FAM184A: variants seen among roughly 807,000 people sequenced by gnomAD.
The protein encoded by FAM184A is protein FAM184A.
Under a neutral mutation model 143.8 loss-of-function variants are expected in FAM184A, and 99 were observed. The ratio of observed to expected loss-of-function variants is 0.69; its 90% CI spans 0.58 to 0.81. The LOEUF (loss-of-function observed/expected upper bound fraction) is 0.81. Among genes scored for constraint, FAM184A ranks in the 40% least tolerant of loss-of-function variants. The pLI is 0.00. For missense variants in FAM184A, 1,217 were observed against 1,310.5 expected (o/e 0.93, Z 1.10); for synonymous variants, 427 against 446.4 (o/e 0.96, Z 0.55).
At chr6:119,058,949 ATTTTT>A (rs1457426305) in intron 1 of FAM184A, among the ~76,000 whole-genome samples, 2 of 151,594 alleles carry the variant, frequency 1.3e-5, no homozygotes, top group African/African-American at 2.4e-5. Flanking sequence ...TGGTTATTTT[ATTTTT>A]ATTTTATATT....
At chr6:119,109,820 G>A (rs922194421) in intron 1 of FAM184A, among the ~76,000 whole-genome samples, 25 of 152,046 alleles carry the variant, frequency 1.6e-4, no homozygotes, top group Non-Finnish European at 2.8e-4. Context: ...TTATGGAAAA[G>A]CCTACTAACT....
At position 119,034,991 on chromosome 6, in the gene FAM184A, A is replaced by C. The variant is rs189877941; in HGVS notation, c.160-10178T>G. Reference sequence around the variant, plus strand: ...GCCCTTTAGGAGGGCTCGCCTGAGTAATAACAGCTGTCTCTGTGGACCACA... The same window carrying C: ...GCCCTTTAGGAGGGCTCGCCTGAGTCATAACAGCTGTCTCTGTGGACCACA... On this transcript the variant is annotated intron_variant, in intron 1 of 17. Transcript: ENST00000338891. Among the ~76,000 whole-genome samples the C allele has an allele frequency of 3.1e-4, 47 of 152,344 alleles. 1 individual carries two copies. The highest frequency in any genetic ancestry group is 3.4e-3 in the Middle Eastern group (1 of 294).
chr6:119,053,279 T>C (rs1361646020), intron 1 of FAM184A, among the ~76,000 whole-genome samples: 1 of 152,324 alleles, frequency 6.6e-6, no homozygotes. Flanking sequence ...TCAAGGTTTA[T>C]ACTTTACAAG....
chr6:119,098,306 C>T (rs1788560658), intron 1 of FAM184A, among the ~76,000 whole-genome samples: 1 of 152,156 alleles, frequency 6.6e-6, no homozygotes, highest in African/African-American at 2.4e-5. Context: ...TCCATTAAAC[C>T]TCTTTTTCTT....
intron 1 of FAM184A, among the ~76,000 whole-genome samples, chr6:119,047,772 A>C (rs1255500374): frequency 3.3e-5 from 5 of 152,158 alleles, no homozygotes; most frequent in African/African-American, 1.2e-4. Context: ...GATCATATGG[A>C]TTCACGGCCA....
intron 1 of FAM184A, among the ~76,000 whole-genome samples, chr6:119,028,793 G>T (rs1167253545): frequency 6.6e-6 from 1 of 152,170 alleles, no homozygotes; most frequent in Non-Finnish European, 1.5e-5. Context: ...TTTGCCAGAA[G>T]AACTTGCAGT....
chr6:118,972,244 A>G (rs1384218717), intron 14 of FAM184A, among the ~76,000 whole-genome samples: 2 of 152,222 alleles, frequency 1.3e-5, no homozygotes, highest in East Asian at 1.9e-4. Flanking sequence ...TTACATTTAA[A>G]TTAATTAAAA....
intron 6 of FAM184A, among the ~76,000 whole-genome samples, chr6:119,007,035 AT>A (rs1192130963): frequency 5.9e-5 from 9 of 152,206 alleles, no homozygotes; most frequent in Non-Finnish European, 1.2e-4. Flanking sequence ...AAGGGGATAA[AT>A]TTAGGTCAAT....
At chr6:119,009,205 TA>T (rs1385946048) in intron 6 of FAM184A, among the ~76,000 whole-genome samples, 1 of 152,170 alleles carries the variant, frequency 6.6e-6, no homozygotes, top group Non-Finnish European at 1.5e-5. Context: ...AAGCACTAAA[TA>T]AATATTATTA....
At chr6:119,060,654 T>A (rs1249390445) in intron 1 of FAM184A, among the ~76,000 whole-genome samples, 1 of 152,096 alleles carries the variant, frequency 6.6e-6, no homozygotes, top group African/African-American at 2.4e-5. Flanking sequence ...GTGTTGGAGG[T>A]GGGGCCTGGT....
chr6:119,102,317 A>G (rs959673241), intron 1 of FAM184A, among the ~76,000 whole-genome samples: 2 of 152,112 alleles, frequency 1.3e-5, no homozygotes, highest in African/African-American at 4.8e-5. Flanking sequence ...AATTCCCCCC[A>G]ATTATTACTA....
intron 1 of FAM184A, among the ~76,000 whole-genome samples, chr6:119,026,838 T>C (rs781694946): frequency 6.6e-6 from 1 of 152,162 alleles, no homozygotes; most frequent in Middle Eastern, 3.2e-3. Context: ...TGTTTGACAT[T>C]CCATATTCTG....
At chr6:118,983,280 AGTAAT>A (rs1784072722) in intron 9 of FAM184A, among the ~76,000 whole-genome samples, 1 of 152,210 alleles carries the variant, frequency 6.6e-6, no homozygotes, top group Admixed American at 6.5e-5. Flanking sequence ...CAATGAGCAA[AGTAAT>A]GTAAAGTGAA....
At chr6:119,016,229 G>A (rs961180419) in intron 5 of FAM184A, among the ~76,000 whole-genome samples, 1 of 152,192 alleles carries the variant, frequency 6.6e-6, no homozygotes, top group African/African-American at 2.4e-5. Context: ...CAGGATGTGG[G>A]TGGGGCCAGA....
intron 1 of FAM184A, among the ~76,000 whole-genome samples, chr6:119,026,196 A>C (rs1367645469): frequency 6.6e-6 from 1 of 152,222 alleles, no homozygotes; most frequent in African/African-American, 2.4e-5. Flanking sequence ...TTGCCATGCT[A>C]TCCCTTTTTG....
intron 13 of FAM184A, 96 bp from the exon 14 acceptor site, chr6:118,974,670 A>C (rs781186640): frequency 1.4e-5 from 15 of 1,045,954 alleles, no homozygotes; most frequent in Non-Finnish European, 2.0e-5. Context: ...TTTTTGGTAT[A>C]ATATATAGAA....
chr6:119,000,266 A>T (rs1218036752), intron 9 of FAM184A, among the ~76,000 whole-genome samples: 1 of 152,220 alleles, frequency 6.6e-6, no homozygotes, highest in Admixed American at 6.5e-5. Context: ...AACTCTATAT[A>T]ATCACTTTTC....
At chr6:118,965,802 C>T (rs1473534162) in intron 15 of FAM184A, among the ~76,000 whole-genome samples, 1 of 152,214 alleles carries the variant, frequency 6.6e-6, no homozygotes, top group African/African-American at 2.4e-5. Context: ...ACAATTATAA[C>T]ACCTCCTCAG....
chr6:119,027,299 G>A (rs1268763992), intron 1 of FAM184A, among the ~76,000 whole-genome samples: 1 of 152,296 alleles, frequency 6.6e-6, no homozygotes, highest in South Asian at 2.1e-4. Flanking sequence ...ATGTTCTCAA[G>A]ATTCCCTGAG....
Sources: gnomAD v4.1 joint callset for allele counts (sites outside exome capture counted in the v4.1 genomes callset) on GRCh38, gnomAD v4.1.1 for gene constraint, MANE v1.5 for transcripts, NCBI Gene and HGNC (gene_info 2026-07-23, HGNC 2026-07-21) for gene names.